Variants in TSHZ2 observed in about 807,000 individuals in gnomAD.
The protein encoded by TSHZ2 is teashirt homolog 2.
In TSHZ2, 21 loss-of-function variants were observed where a neutral mutation model predicts 74.4. The ratio of observed to expected loss-of-function variants is 0.28; its 90% CI spans 0.20 to 0.41. The LOEUF (loss-of-function observed/expected upper bound fraction) is 0.41. Among genes scored for constraint, TSHZ2 ranks in the 10% least tolerant of loss-of-function variants. The probability of loss-of-function intolerance (pLI) is 1.00; values close to 1 mark genes in which losing one functional copy is unlikely to be tolerated. For missense variants in TSHZ2, 1,244 were observed against 1,293.5 expected, an observed-to-expected ratio of 0.96 and a Z score of 0.59; for synonymous variants, 540 against 515.3, an observed-to-expected ratio of 1.05 and a Z score of -0.65.
chr20:53,222,623 G>A (rs1031366360), intron 1 of TSHZ2, among the ~76,000 whole-genome samples: 19 of 152,166 alleles, frequency 1.2e-4, no homozygotes, highest in African/African-American at 4.3e-4. Flanking sequence ...TGAGGGACAC[G>A]GTGTCACTTA....
At chr20:53,300,892 G>A (rs1991465664) in intron 2 of TSHZ2, among the ~76,000 whole-genome samples, 1 of 152,172 alleles carries the variant, frequency 6.6e-6, no homozygotes, top group Non-Finnish European at 1.5e-5. Context: ...TGTTTATATG[G>A]ATCAAATAGC....
intron 1 of TSHZ2, among the ~76,000 whole-genome samples, chr20:53,240,696 C>T (rs1029304779): frequency 1.3e-5 from 2 of 148,422 alleles, no homozygotes; most frequent in Admixed American, 1.4e-4. Flanking sequence ...ATAAACTCGA[C>T]TGTGCATTAA....
chr20:53,226,724 G>A (rs765665741), intron 1 of TSHZ2, among the ~76,000 whole-genome samples: 9 of 151,980 alleles, frequency 5.9e-5, no homozygotes, highest in African/African-American at 1.9e-4. Flanking sequence ...ACCGGGTACC[G>A]TCCTGTGTTA....
intron 1 of TSHZ2, among the ~76,000 whole-genome samples, chr20:53,184,309 A>G (rs1988550700): frequency 6.6e-6 from 1 of 152,182 alleles, no homozygotes; most frequent in Admixed American, 6.5e-5. Flanking sequence ...ATTCTGTACC[A>G]TGTTTCTGGG....
intron 1 of TSHZ2, chr20:53,097,794 A>C (rs1209467275): frequency 6.5e-6 from 1 of 153,274 alleles, no homozygotes; most frequent in Non-Finnish European, 1.5e-5. Context: ...AGCTCAGCTG[A>C]AGAGGATGAC....
intron 1 of TSHZ2, among the ~76,000 whole-genome samples, chr20:53,171,166 G>T (rs1260993176): frequency 6.6e-6 from 1 of 152,172 alleles, no homozygotes; most frequent in Non-Finnish European, 1.5e-5. Flanking sequence ...GCCTTAAAGG[G>T]CTGTTTCCAA....
At chr20:53,011,248 G>T (rs565799828) in intron 1 of TSHZ2, among the ~76,000 whole-genome samples, 4 of 152,302 alleles carry the variant, frequency 2.6e-5, no homozygotes, top group African/African-American at 7.2e-5. Flanking sequence ...TGTGCACTGT[G>T]CAAGTCTGCC....
intron 2 of TSHZ2, among the ~76,000 whole-genome samples, chr20:53,413,808 AGT>A (rs1449599300): frequency 1.3e-5 from 2 of 152,260 alleles, no homozygotes; most frequent in African/African-American, 4.8e-5. Flanking sequence ...AAGTGTCTAT[AGT>A]ATTCACCTTT....
chr20:53,313,402 A>T (rs1239715089), intron 2 of TSHZ2, among the ~76,000 whole-genome samples: 2 of 152,248 alleles, frequency 1.3e-5, no homozygotes, highest in Admixed American at 1.3e-4. Flanking sequence ...TCAGGGTCAT[A>T]GTCATGAATA....
At chr20:53,274,928 T>C (rs1990912890) in intron 2 of TSHZ2, among the ~76,000 whole-genome samples, 1 of 152,206 alleles carries the variant, frequency 6.6e-6, no homozygotes, top group Non-Finnish European at 1.5e-5. Context: ...CCACAGGTTT[T>C]TCCCCCAAGA....
At chr20:53,107,141 T>C (rs1986400698) in intron 1 of TSHZ2, among the ~76,000 whole-genome samples, 1 of 152,112 alleles carries the variant, frequency 6.6e-6, no homozygotes, top group Admixed American at 6.6e-5. Context: ...GACTTGACCT[T>C]CTCCCACAGC....
intron 2 of TSHZ2, among the ~76,000 whole-genome samples, chr20:53,323,246 G>A (rs1440162185): frequency 6.6e-6 from 1 of 152,170 alleles, no homozygotes; most frequent in Non-Finnish European, 1.5e-5. Context: ...CAGTGCCTGA[G>A]AGCCAGAGGC....
At chr20:53,115,840 G>A in intron 1 of TSHZ2, among the ~76,000 whole-genome samples, 1 of 152,026 alleles carries the variant, frequency 6.6e-6, no homozygotes, top group Admixed American at 6.6e-5. Context: ...AGAAGGGGAG[G>A]CACATAAGCA....
At chr20:52,979,869 A>G (rs753804888) in intron 1 of TSHZ2, among the ~76,000 whole-genome samples, 4 of 152,230 alleles carry the variant, frequency 2.6e-5, no homozygotes, top group East Asian at 3.9e-4. Context: ...ACAATGCAAA[A>G]GTTTTAGAGA....
At chr20:53,354,476 G>A (rs1258555053) in intron 2 of TSHZ2, among the ~76,000 whole-genome samples, 4 of 152,194 alleles carry the variant, frequency 2.6e-5, no homozygotes, top group South Asian at 2.1e-4. Context: ...TTTAATTTAA[G>A]CACAAGAAGA....
chr20:53,321,014 A>C (rs1331772416), intron 2 of TSHZ2, among the ~76,000 whole-genome samples: 1 of 152,246 alleles, frequency 6.6e-6, no homozygotes, highest in African/African-American at 2.4e-5. Flanking sequence ...CCATAAAGTT[A>C]CTTTTAGTGA....
At chr20:53,377,153 G>A (rs992552781) in intron 2 of TSHZ2, among the ~76,000 whole-genome samples, 1 of 152,176 alleles carries the variant, frequency 6.6e-6, no homozygotes, top group Non-Finnish European at 1.5e-5. Flanking sequence ...TGTAAGTCAA[G>A]GCCTCATTCT....
At chr20:53,460,730 TG>T (rs1201285578) in intron 2 of TSHZ2, among the ~76,000 whole-genome samples, 1 of 152,234 alleles carries the variant, frequency 6.6e-6, no homozygotes, top group Non-Finnish European at 1.5e-5. Flanking sequence ...GTTTTTGGTG[TG>T]GATGTCCTTT....
chr20:52,989,007 T>C (rs1287000388), intron 1 of TSHZ2, among the ~76,000 whole-genome samples: 1 of 152,126 alleles, frequency 6.6e-6, no homozygotes, highest in Non-Finnish European at 1.5e-5. Context: ...GTCTAAAAGA[T>C]GTCTTGTATT....
Sources: allele counts gnomAD v4.1 joint callset (sites outside exome capture counted in the v4.1 genomes callset), GRCh38; gene constraint gnomAD v4.1.1; transcripts MANE v1.5; gene names NCBI Gene and HGNC (gene_info 2026-07-23, HGNC 2026-07-21).